Variants in SRRM3 observed in about 807,000 individuals in gnomAD.
SRRM3 encodes serine/arginine repetitive matrix protein 3.
SRRM3 carries 27 observed loss-of-function variants against 66.2 expected under a neutral mutation model. That is an observed-to-expected ratio of 0.41 (90% CI 0.30 to 0.56). The LOEUF (loss-of-function observed/expected upper bound fraction) is 0.56. Among genes scored for constraint, SRRM3 ranks in the 20% least tolerant of loss-of-function variants. SRRM3 has a pLI of 0.32. For synonymous variants in SRRM3, 391 were observed against 414.9 expected (o/e 0.94, Z 0.70); for missense variants, 918 against 991.9 (o/e 0.93, Z 1.00).
chr7:76,274,378 A>G (rs1554610845), intron 11 of SRRM3, among the ~76,000 whole-genome samples: 1 of 152,212 alleles, frequency 6.6e-6, no homozygotes, highest in Admixed American at 6.5e-5. Flanking sequence ...TATTGGGTGC[A>G]ATTAGTAGAT....
At chr7:76,227,048 TC>T (rs1800887829) in intron 1 of SRRM3, among the ~76,000 whole-genome samples, 1 of 151,336 alleles carries the variant, frequency 6.6e-6, no homozygotes, top group Non-Finnish European at 1.5e-5. Context: ...GGTAAAGACT[TC>T]CCATGTGCTG....
chr7:76,267,381 G>A lies in SRRM3; in HGVS notation c.954G>A (p.Gly318=). 3.5e-6 allele frequency: 5 copies of A among 1,437,092 alleles called. No homozygotes were observed. The highest frequency in any genetic ancestry group is 4.5e-6 in the Non-Finnish European group (5 of 1,100,532). The allele number at this position is 1,437,092 out of a possible 1,614,324, so 89.0% of individuals were successfully genotyped here. ...WGSPQRNGGS[G]QRSGAHGGRP... ...CGCCCCAGCGGAACGGCGGCAGCGG[G>A]CAGCGGAGCGGAGCGCACGGGGGCC... Residue 318 remains glycine (G), a synonymous_variant, in exon 11 of 15, where the codon GGG becomes GGA. Coordinates refer to ENST00000611745, the MANE Select transcript of SRRM3 (RefSeq NM_001110199.3).
At chr7:76,221,251 T>C (rs1220442389) in intron 1 of SRRM3, among the ~76,000 whole-genome samples, 5 of 151,594 alleles carry the variant, frequency 3.3e-5, no homozygotes, top group Admixed American at 6.6e-5. Flanking sequence ...AAAAGAGTTT[T>C]GCCATGTTGG....
chr7:76,211,494 C>T (rs1800430120), intron 1 of SRRM3, among the ~76,000 whole-genome samples: 1 of 152,132 alleles, frequency 6.6e-6, no homozygotes, highest in South Asian at 2.1e-4. Context: ...AGGAATGTTC[C>T]CAGTAGGTAA....
Position 76,221,584 on chromosome 7 carries a change from G to A in SRRM3, c.-39-13444G>A, listed in dbSNP as rs570949846. ...TCACCGTATTAGCCAGAATGGTCTC[G>A]ATTTCCTGACCTTGTGATCCACCCG... On this transcript the variant is annotated intron_variant, in intron 1 of 14. Transcript: ENST00000611745. Among the ~76,000 whole-genome samples the A allele has an allele frequency of 1.1e-4, 16 of 151,150 alleles. No homozygotes were observed. The South Asian group carries it at 3.4e-3, about 32-fold the overall frequency.
intron 11 of SRRM3, among the ~76,000 whole-genome samples, chr7:76,275,238 C>T (rs1362441333): frequency 5.9e-5 from 9 of 152,064 alleles, no homozygotes; most frequent in East Asian, 1.9e-4. Flanking sequence ...ATGTTTATCC[C>T]GGAGGCAGGT....
intron 11 of SRRM3, among the ~76,000 whole-genome samples, chr7:76,277,698 A>T (rs1802382590): frequency 6.9e-6 from 1 of 144,622 alleles, no homozygotes; most frequent in African/African-American, 2.7e-5. Flanking sequence ...ACTCTGTCTC[A>T]AAACAAATAA....
At chr7:76,221,986 A>G (rs1800734812) in intron 1 of SRRM3, among the ~76,000 whole-genome samples, 1 of 152,206 alleles carries the variant, frequency 6.6e-6, no homozygotes, top group Non-Finnish European at 1.5e-5. Flanking sequence ...CATTTTACAG[A>G]TAAGAAAGAG....
chr7:76,260,069 C>T (rs1200083878), intron 4 of SRRM3, 35 bp downstream of exon 4: 8 of 1,450,994 alleles, frequency 5.5e-6, no homozygotes, highest in Non-Finnish European at 6.3e-6. Flanking sequence ...GGGGGGCGCG[C>T]GGGGCTGCCC....
chr7:76,221,359 C>CTTTTTT (rs781915041), intron 1 of SRRM3, among the ~76,000 whole-genome samples: 5 of 95,356 alleles, frequency 5.2e-5, no homozygotes, highest in East Asian at 7.6e-4. Context: ...CTGCCCTCCT[C>CTTTTTT]TTTTTTTTTT....
At chr7:76,273,657 G>A (rs2117092603) in intron 11 of SRRM3, 1 of 152,316 alleles carries the variant, frequency 6.6e-6, no homozygotes, top group South Asian at 2.1e-4. Flanking sequence ...CTGCCACTTT[G>A]CTTGGTTTGA....
At chr7:76,235,437 C>A in intron 2 of SRRM3, 138 bp downstream of exon 2, 1 of 808,984 alleles carries the variant, frequency 1.2e-6, no homozygotes, top group Non-Finnish European at 1.9e-6. Context: ...AGGGCGGAGT[C>A]GGGCGACTGT....
At chr7:76,235,543 G>C (rs1801123729) in intron 2 of SRRM3, among the ~76,000 whole-genome samples, 1 of 152,138 alleles carries the variant, frequency 6.6e-6, no homozygotes, top group Admixed American at 6.6e-5. Context: ...TTATGTATTA[G>C]GTTGTTGCAA....
At chr7:76,218,704 G>A (rs531706672) in intron 1 of SRRM3, among the ~76,000 whole-genome samples, 5 of 110,652 alleles carry the variant, frequency 4.5e-5, no homozygotes, top group East Asian at 5.7e-4. Flanking sequence ...TTTTTGGCAA[G>A]GTCTCACTCT....
intron 1 of SRRM3, among the ~76,000 whole-genome samples, chr7:76,211,002 C>T (rs567793408): frequency 1.1e-4 from 17 of 152,198 alleles, no homozygotes; most frequent in African/African-American, 2.2e-4. Context: ...TTAGTAGAGA[C>T]AGGGTTTCAA....
intron 1 of SRRM3, among the ~76,000 whole-genome samples, chr7:76,210,674 TG>T (rs1220103197): frequency 2.6e-5 from 4 of 151,812 alleles, no homozygotes; most frequent in Non-Finnish European, 5.9e-5. Flanking sequence ...CCAGGAGTCT[TG>T]GGGGGGCGGG....
At chr7:76,254,472 C>T (rs956943422) in intron 3 of SRRM3, among the ~76,000 whole-genome samples, 1 of 152,166 alleles carries the variant, frequency 6.6e-6, no homozygotes, top group Non-Finnish European at 1.5e-5. Flanking sequence ...GCATGTCCTA[C>T]CATACCTGGC....
At chr7:76,225,049 G>A (rs1405264618) in intron 1 of SRRM3, among the ~76,000 whole-genome samples, 5 of 152,126 alleles carry the variant, frequency 3.3e-5, no homozygotes, top group Non-Finnish European at 4.4e-5. Context: ...CAGGCCTTCC[G>A]AAAGGGTTTT....
chr7:76,216,528 G>A (rs1800575241), intron 1 of SRRM3, among the ~76,000 whole-genome samples: 1 of 152,200 alleles, frequency 6.6e-6, no homozygotes, highest in Admixed American at 6.5e-5. Flanking sequence ...GCGAGTCCCT[G>A]GCCTGTCTTC....
Sources: gnomAD v4.1 joint callset for allele counts (sites outside exome capture counted in the v4.1 genomes callset) on GRCh38, gnomAD v4.1.1 for gene constraint, MANE v1.5 for transcripts, NCBI Gene and HGNC (gene_info 2026-07-23, HGNC 2026-07-21) for gene names.